The following NEGR1 variants were observed in gnomAD, a reference collection of about 807,000 sequenced individuals.
NEGR1 encodes neuronal growth regulator 1, also known as IgLON family member 4.
Under a neutral mutation model 40.9 loss-of-function variants are expected in NEGR1, and 10 were observed. The observed-to-expected ratio is 0.24, with a 90% CI of 0.15 to 0.42. The LOEUF (loss-of-function observed/expected upper bound fraction) is 0.42. Ranked by LOEUF, NEGR1 falls within the 10% of genes least tolerant of loss-of-function variation. NEGR1 has a pLI of 1.00. For missense variants in NEGR1, 352 were observed against 438.9 expected (o/e 0.80, Z 1.77); for synonymous variants, 185 against 166.8 (o/e 1.11, Z -0.84).
chr1:71,996,658 C>G (rs535398519), intron 1 of NEGR1, among the ~76,000 whole-genome samples: 1 of 152,198 alleles, frequency 6.6e-6, no homozygotes, highest in Admixed American at 6.5e-5. Context: ...TCCTTCTTGC[C>G]TGCTCCCATC....
chr1:72,057,239 C>T (rs1647119139), intron 1 of NEGR1, among the ~76,000 whole-genome samples: 1 of 151,472 alleles, frequency 6.6e-6, no homozygotes, highest in Non-Finnish European at 1.5e-5. Context: ...GAAGGAAACT[C>T]CTTGTTAAAT....
At chr1:72,105,380 T>C (rs1317348329) in intron 1 of NEGR1, among the ~76,000 whole-genome samples, 2 of 151,994 alleles carry the variant, frequency 1.3e-5, no homozygotes, top group Non-Finnish European at 2.9e-5. Context: ...CTTGTCAAAA[T>C]GCATAGATTA....
intron 1 of NEGR1, among the ~76,000 whole-genome samples, chr1:72,124,570 C>T (rs144006894): frequency 6.6e-6 from 1 of 152,098 alleles, no homozygotes; most frequent in East Asian, 1.9e-4. Flanking sequence ...AAATGGCTCA[C>T]AAATTTGGGA....
chr1:72,246,222 A>T (rs1654898860), intron 1 of NEGR1, among the ~76,000 whole-genome samples: 1 of 152,128 alleles, frequency 6.6e-6, no homozygotes, highest in Non-Finnish European at 1.5e-5. Flanking sequence ...GATGGTTGAA[A>T]CAATTTACAG....
chr1:72,107,917 A>C (rs1469653532), intron 1 of NEGR1, among the ~76,000 whole-genome samples: 14 of 151,520 alleles, frequency 9.2e-5, no homozygotes, highest in Admixed American at 9.2e-4. Context: ...AAAGCTAAAA[A>C]AAAACATTTG....
chr1:72,098,285 GA>G lies in NEGR1; in HGVS notation c.177-162975del, dbSNP rs374412036. On this transcript the variant is annotated intron_variant, in intron 1 of 6. Coordinates refer to ENST00000357731, the MANE Select transcript of NEGR1 (RefSeq NM_173808.3). Reference sequence around the variant, plus strand: ...TCCACTTTAGGCTGAAGAATGACTGGAAAAAAAAATTTAAAACGGAAACAAC... The same window carrying G: ...TCCACTTTAGGCTGAAGAATGACTGGAAAAAAAATTTAAAACGGAAACAAC... Among the ~76,000 whole-genome samples the G allele has an allele frequency of 7.8e-3, 1,173 of 151,272 alleles. 14 individuals are homozygous for G. Among genetic ancestry groups the G allele is most frequent in the African/African-American group, 0.027 (1,125 of 41,250 alleles).
chr1:71,779,364 G>A (rs747213196), intron 2 of NEGR1, among the ~76,000 whole-genome samples: 22 of 152,050 alleles, frequency 1.4e-4, no homozygotes, highest in Non-Finnish European at 2.2e-4. Flanking sequence ...AGACAGAAGC[G>A]GATAGGTAAG....
chr1:71,497,463 A>G (rs1295509345), intron 6 of NEGR1, among the ~76,000 whole-genome samples: 1 of 152,048 alleles, frequency 6.6e-6, no homozygotes, highest in Non-Finnish European at 1.5e-5. Context: ...GCTTTTTTCT[A>G]AGACAATTTA....
At position 71,437,953 on chromosome 1, in the gene NEGR1, C is replaced by A. The variant is rs116825541; in HGVS notation, c.941-30383G>T. On this transcript the variant is annotated intron_variant, in intron 6 of 6. Coordinates refer to ENST00000357731, the MANE Select transcript of NEGR1 (RefSeq NM_173808.3). Reference sequence around the variant, plus strand: ...GCCTTTTAGTGGCCTCTCAAGAACTCTTATTATTAGCAGTATCTTCTAGAG... The same window carrying A: ...GCCTTTTAGTGGCCTCTCAAGAACTATTATTATTAGCAGTATCTTCTAGAG... Among the ~76,000 whole-genome samples, 1,386 of 152,244 alleles carry A rather than the reference C, an allele frequency of 9.1e-3. 20 individuals carry two copies. Among genetic ancestry groups the A allele is most frequent in the African/African-American group, 0.031 (1,300 of 41,542 alleles).
At chr1:71,460,033 A>G (rs1178277610) in intron 6 of NEGR1, among the ~76,000 whole-genome samples, 2 of 152,220 alleles carry the variant, frequency 1.3e-5, no homozygotes, top group East Asian at 1.9e-4. Context: ...TTTTAGTGCT[A>G]TAAAAGTCAG....
intron 1 of NEGR1, among the ~76,000 whole-genome samples, chr1:72,101,723 A>C (rs1648955109): frequency 6.6e-6 from 1 of 152,074 alleles, no homozygotes. Flanking sequence ...AGAAACAGCA[A>C]ATGCTGGCTT....
chr1:72,139,099 CA>C (rs56186748), intron 1 of NEGR1, among the ~76,000 whole-genome samples: 2 of 147,788 alleles, frequency 1.4e-5, no homozygotes, highest in Admixed American at 6.8e-5. Flanking sequence ...GCTCATGAGT[CA>C]AAAAAAAAAA....
intron 1 of NEGR1, among the ~76,000 whole-genome samples, chr1:72,054,183 A>G (rs1647088676): frequency 6.6e-6 from 1 of 151,442 alleles, no homozygotes; most frequent in African/African-American, 2.4e-5. Flanking sequence ...CCCTAGTGAA[A>G]AGTAAATCAT....
chr1:72,163,298 C>A, intron 1 of NEGR1, among the ~76,000 whole-genome samples: 1 of 152,072 alleles, frequency 6.6e-6, no homozygotes, highest in South Asian at 2.1e-4. Context: ...ACCTATACCT[C>A]CAGAGTCTAT....
chr1:71,807,306 T>TATTAA (rs1184148469), intron 2 of NEGR1, among the ~76,000 whole-genome samples: 1 of 152,136 alleles, frequency 6.6e-6, no homozygotes, highest in Non-Finnish European at 1.5e-5. Flanking sequence ...TAAAAAGACT[T>TATTAA]ACAACTTAAA....
At position 71,801,753 on chromosome 1, in the gene NEGR1, A is replaced by G. The variant is rs965155886; in HGVS notation, c.410-25456T>C. Among the ~76,000 whole-genome samples, 4 of 152,266 alleles carry G rather than the reference A, an allele frequency of 2.6e-5. No individual in the cohort carries two copies. In the South Asian group the frequency reaches 8.3e-4, roughly 32 times the overall value. On this transcript the variant is annotated intron_variant, in intron 2 of 6. Coordinates refer to ENST00000357731, the MANE Select transcript of NEGR1 (RefSeq NM_173808.3). ...TAGTAATTCTAATAAAATCAATCAG[A>G]TTGCATTGCATTTCGCCCAAACACT... is the stretch of plus-strand genomic sequence containing the variant.
chr1:72,255,390 T>A lies in NEGR1; in HGVS notation c.176+26929A>T, dbSNP rs138420463. On this transcript the variant is annotated intron_variant, in intron 1 of 6. Coordinates refer to ENST00000357731, the MANE Select transcript of NEGR1 (RefSeq NM_173808.3). ...AGTTGACACAACTGGTATATAGTAG[T>A]TGTTGAATAGATATTTACTGAATGA... Among the ~76,000 whole-genome samples, 24 of 152,310 alleles carry A rather than the reference T, an allele frequency of 1.6e-4. No homozygotes were observed. In the East Asian group the frequency reaches 4.2e-3, roughly 27 times the overall value.
intron 1 of NEGR1, among the ~76,000 whole-genome samples, chr1:72,263,682 G>C (rs1361922200): frequency 2.0e-5 from 3 of 151,448 alleles, no homozygotes; most frequent in Non-Finnish European, 4.4e-5. Context: ...ATCTATACTT[G>C]AATAGTTGCT....
intron 5 of NEGR1, among the ~76,000 whole-genome samples, chr1:71,602,937 C>A (rs1263598249): frequency 2.0e-5 from 3 of 152,098 alleles, no homozygotes; most frequent in Non-Finnish European, 4.4e-5. Context: ...CATCTCTGGC[C>A]TTGAATGTTA....
Sources: gnomAD v4.1 joint callset for allele counts (sites outside exome capture counted in the v4.1 genomes callset) on GRCh38, gnomAD v4.1.1 for gene constraint, MANE v1.5 for transcripts, NCBI Gene and HGNC (gene_info 2026-07-23, HGNC 2026-07-21) for gene names.